Variants in SUSD3 observed in about 807,000 individuals in gnomAD.
The protein encoded by SUSD3 is sushi domain-containing protein 3.
In SUSD3, 18 loss-of-function variants were observed where a neutral mutation model predicts 20.6. That is an observed-to-expected ratio of 0.87 (90% CI 0.60 to 1.30). The LOEUF (loss-of-function observed/expected upper bound fraction) is 1.30, where lower values mean the gene tolerates loss of function less well. Among genes scored for constraint, SUSD3 ranks in the 50% most tolerant of loss-of-function variants. SUSD3 has a pLI of 0.00. For synonymous variants in SUSD3, 137 were observed against 141.5 expected, an observed-to-expected ratio of 0.97 and a Z score of 0.23; for missense variants, 306 against 346.9, an observed-to-expected ratio of 0.88 and a Z score of 0.94.
intron 1 of SUSD3, among the ~76,000 whole-genome samples, chr9:93,070,482 G>A (rs113926531): frequency 5.3e-5 from 8 of 152,344 alleles, no homozygotes; most frequent in African/African-American, 1.7e-4. Flanking sequence ...GGGGCAGCCC[G>A]GGGATAAAGA....
At chr9:93,073,285 CGCCCAGGCTGGAGTGCAGTG>C (rs1270157442) in intron 1 of SUSD3, among the ~76,000 whole-genome samples, 2 of 141,158 alleles carry the variant, frequency 1.4e-5, no homozygotes, top group African/African-American at 2.7e-5. Context: ...CTCGCTCTGT[CGCCCAGGCTGGAGTGCAGTG>C]GTGCAATCTC....
At chr9:93,071,798 T>C (rs1178859223) in intron 1 of SUSD3, among the ~76,000 whole-genome samples, 1 of 152,140 alleles carries the variant, frequency 6.6e-6, no homozygotes, top group African/African-American at 2.4e-5. Context: ...GGTGATCACA[T>C]TTCCAGCTGC....
chr9:93,084,514 A>C, intron 4 of SUSD3, 23 bp from the exon 5 acceptor site: 1 of 1,554,758 alleles, frequency 6.4e-7, no homozygotes, highest in Non-Finnish European at 8.7e-7. Context: ...TCTTTTGCCA[A>C]CTCATGCCTC....
In SUSD3 at chr9:93,075,013, C is replaced by G. The variant is rs571690551; in HGVS notation, c.89-771C>G. On this transcript the variant is annotated intron_variant, in intron 1 of 4. Transcript: ENST00000375472. Reference sequence around the variant, plus strand: ...GAAAGGTTGGATCTGTACCCCAGCCCGGGTACAGGGCTTCCCAGGCCCTGC... The same window carrying G: ...GAAAGGTTGGATCTGTACCCCAGCCGGGGTACAGGGCTTCCCAGGCCCTGC... 7.9e-5 allele frequency among the ~76,000 whole-genome samples: 12 copies of G among 152,276 alleles called. No individual in the cohort carries two copies. The East Asian group carries it at 1.7e-3, about 22-fold the overall frequency.
At chr9:93,083,902 G>A (rs1243164729) in intron 4 of SUSD3, among the ~76,000 whole-genome samples, 2 of 152,152 alleles carry the variant, frequency 1.3e-5, no homozygotes, top group Non-Finnish European at 2.9e-5. Context: ...CAGCCTCTGA[G>A]GGGAGGAGAG....
intron 1 of SUSD3, 31 bp from the exon 2 acceptor site, chr9:93,075,753 C>CCCCCCCCCCCCCCCCCCCCCA: frequency 3.0e-6 from 1 of 334,096 alleles, no homozygotes. Flanking sequence ...CCCCCCCCCC[C>CCCCCCCCCCCCCCCCCCCCCA]GCCATGCCTC....
chr9:93,063,078 T>G (rs765367762), intron 1 of SUSD3, among the ~76,000 whole-genome samples: 6 of 152,088 alleles, frequency 3.9e-5, no homozygotes, highest in Non-Finnish European at 7.4e-5. Flanking sequence ...ATCTGGAAAA[T>G]GGAGCCAGCC....
At position 93,066,701 on chromosome 9, in the gene SUSD3, A is replaced by AATTTT. The variant is rs1209929541; in HGVS notation, c.88+7892_88+7896dup. On this transcript the variant is annotated intron_variant, in intron 1 of 4. Transcript: ENST00000375472. ...GATATGTGCTACCATCACTCCAGTC[A>AATTTT]ATTTTATTTTATTTTATTTTATTTT... 2.7e-4 allele frequency among the ~76,000 whole-genome samples: 38 copies of AATTTT among 143,272 alleles called. 1 individual carries two copies. Among genetic ancestry groups the AATTTT allele is most frequent in the Admixed American group, 2.3e-3 (35 of 14,922 alleles). The allele number at this position is 143,272 out of a possible 152,430, so 94.0% of individuals were successfully genotyped here.
intron 1 of SUSD3, among the ~76,000 whole-genome samples, chr9:93,072,025 C>T (rs1040166582): frequency 6.6e-6 from 1 of 152,126 alleles, no homozygotes; most frequent in African/African-American, 2.4e-5. Context: ...TGCTGTGCCT[C>T]AGTTTCCCCA....
In SUSD3 at chr9:93,077,890, G is replaced by T. The variant is rs143607180; in HGVS notation, c.322G>T (p.Ala108Ser). The T allele has an allele frequency of 1.2e-6, 2 of 1,614,104 alleles. No individual in the cohort carries two copies. The highest frequency in any genetic ancestry group is 1.7e-6 in the Non-Finnish European group (2 of 1,180,002). The change falls in exon 3 of 5, where the codon GCC becomes TCC. Residue 108 changes from alanine (A) to serine (S), a missense_variant. Coordinates refer to ENST00000375472, the MANE Select transcript of SUSD3 (RefSeq NM_145006.4). ...CTTTGGCTTCAAGGTGGCCGTGATCGCCTCCATTGTGAGCTGTGCCATCAT... is the reference window on the plus strand; with the variant it reads ...CTTTGGCTTCAAGGTGGCCGTGATCTCCTCCATTGTGAGCTGTGCCATCAT... ...ETFGFKVAVI[A>S]SIVSCAIILL...
In SUSD3 at chr9:93,075,809, C is replaced by T. The variant is rs199915696; in HGVS notation, c.114C>T (p.Pro38=). 8.1e-6 allele frequency: 13 copies of T among 1,611,736 alleles called. No homozygotes were observed. The highest frequency in any genetic ancestry group is 1.3e-5 in the African/African-American group (1 of 74,276). ...GCACGTGCGCTAAGCTGCGGCTACCCCCGCAAGCAACCTTCCAAGTCCTTC... is the reference window on the plus strand; with the variant it reads ...GCACGTGCGCTAAGCTGCGGCTACCTCCGCAAGCAACCTTCCAAGTCCTTC... ...RTGTCAKLRL[P]PQATFQVLRG... Residue 38 remains proline (P), a synonymous_variant, in exon 2 of 5, where the codon CCC becomes CCT. Coordinates refer to ENST00000375472, the MANE Select transcript of SUSD3 (RefSeq NM_145006.4).
chr9:93,066,249 T>C (rs1245308390), intron 1 of SUSD3, among the ~76,000 whole-genome samples: 1 of 152,238 alleles, frequency 6.6e-6, no homozygotes, highest in Admixed American at 6.5e-5. Context: ...TTTTCTTTTT[T>C]TGGAGATGGA....
At chr9:93,061,242 CCTT>C (rs1825495221) in intron 1 of SUSD3, among the ~76,000 whole-genome samples, 1 of 152,194 alleles carries the variant, frequency 6.6e-6, no homozygotes, top group Non-Finnish European at 1.5e-5. Context: ...TCTGCTGGTG[CCTT>C]CTTGGCTTCA....
At chr9:93,059,842 CA>C in intron 1 of SUSD3, among the ~76,000 whole-genome samples, 1 of 152,218 alleles carries the variant, frequency 6.6e-6, no homozygotes, top group East Asian at 1.9e-4. Context: ...CGCAGCTCAG[CA>C]AAGTGGGCGC....
In SUSD3 at chr9:93,077,952, C is replaced by T. The variant is rs1826236546; in HGVS notation, c.384C>T (p.Leu128=). The change falls in exon 3 of 5, where the codon CTC becomes CTT. Residue 128 remains leucine (L), a synonymous_variant. Transcript: ENST00000375472. The stretch of plus-strand genomic sequence containing the variant: ...CCATGGCCTTCCTCACCTGCTGCCT[C>T]CTCAAGTGCGTGAAGAAGAGCAAGC... ...LMSMAFLTCC[L]LKCVKKSKRR... The T allele has an allele frequency of 1.2e-6, 2 of 1,614,244 alleles. No homozygotes were observed. Among genetic ancestry groups the T allele is most frequent in the Non-Finnish European group, 1.7e-6 (2 of 1,180,042 alleles).
At chr9:93,067,590 TTGTC>T (rs1462008487) in intron 1 of SUSD3, among the ~76,000 whole-genome samples, 3 of 151,968 alleles carry the variant, frequency 2.0e-5, no homozygotes, top group East Asian at 3.9e-4. Flanking sequence ...ACACTTCGTA[TTGTC>T]TGTCTTTTTT....
At chr9:93,075,411 C>CTTTTTTTTT (rs58393196) in intron 1 of SUSD3, among the ~76,000 whole-genome samples, 37 of 101,262 alleles carry the variant, frequency 3.7e-4, no homozygotes, top group African/African-American at 1.2e-3. Context: ...CTCTGTCCCT[C>CTTTTTTTTT]TTTTTTTTTT....
intron 1 of SUSD3, among the ~76,000 whole-genome samples, chr9:93,066,795 G>A (rs904856347): frequency 7.2e-5 from 11 of 151,788 alleles, no homozygotes; most frequent in Admixed American, 2.6e-4. Flanking sequence ...TGCAACCTCC[G>A]CCTCCCGGGT....
intron 4 of SUSD3, among the ~76,000 whole-genome samples, chr9:93,084,106 C>A (rs59455916): frequency 0.012 from 1,829 of 152,110 alleles, 33 homozygotes; most frequent in African/African-American, 0.042. Context: ...CTCCTGGCTA[C>A]CAAAGAGGCA....
Sources: gnomAD v4.1 joint callset for allele counts (sites outside exome capture counted in the v4.1 genomes callset) on GRCh38, gnomAD v4.1.1 for gene constraint, MANE v1.5 for transcripts, NCBI Gene and HGNC (gene_info 2026-07-23, HGNC 2026-07-21) for gene names.